The following SORT1 variants were observed in gnomAD, a reference collection of about 807,000 sequenced individuals.
SORT1 encodes sortilin 1, also known as sortilin.
In SORT1, 39 loss-of-function variants were observed where a neutral mutation model predicts 101.7. That is an observed-to-expected ratio of 0.38 (90% CI 0.30 to 0.50). SORT1 has a LOEUF of 0.50. SORT1 is among the 20% of genes least tolerant of loss of function. The pLI, the probability that SORT1 is intolerant of heterozygous loss-of-function variation, is 0.90. For missense variants in SORT1, 878 were observed against 1,040.4 expected, an observed-to-expected ratio of 0.84 and a Z score of 2.15; for synonymous variants, 396 against 393.7, an observed-to-expected ratio of 1.01 and a Z score of -0.07.
At chr1:109,332,272 T>C (rs535857398) in intron 11 of SORT1, among the ~76,000 whole-genome samples, 25 of 152,188 alleles carry the variant, frequency 1.6e-4, no homozygotes, top group Non-Finnish European at 2.6e-4. Flanking sequence ...TCAGGCACTG[T>C]TTTAGGTACT....
intron 3 of SORT1, among the ~76,000 whole-genome samples, chr1:109,361,388 T>C (rs1650712854): frequency 6.6e-6 from 1 of 152,236 alleles, no homozygotes; most frequent in East Asian, 1.9e-4. Flanking sequence ...AAACCCATCA[T>C]AATGGCCTTT....
chr1:109,383,677 T>G (rs1652396610), intron 1 of SORT1, among the ~76,000 whole-genome samples: 1 of 152,148 alleles, frequency 6.6e-6, no homozygotes, highest in Admixed American at 6.6e-5. Flanking sequence ...ACAACCTGAG[T>G]GATGCTTTTG....
chr1:109,372,982 G>A (rs896149565), intron 1 of SORT1, among the ~76,000 whole-genome samples: 2 of 151,810 alleles, frequency 1.3e-5, no homozygotes, highest in African/African-American at 4.8e-5. Context: ...TTGAACCCGA[G>A]AGGCGGAGGC....
chr1:109,378,699 GATATATATATATATATATAT>G (rs58847953), intron 1 of SORT1, among the ~76,000 whole-genome samples: 1,144 of 35,510 alleles, frequency 0.032, 24 homozygotes, highest in Non-Finnish European at 0.045. Flanking sequence ...TAGAGTGAAT[GATATATATATATATATATAT>G]ATATATATAT....
At chr1:109,331,702 T>C (rs574905073) in intron 11 of SORT1, among the ~76,000 whole-genome samples, 15 of 151,856 alleles carry the variant, frequency 9.9e-5, no homozygotes, top group Admixed American at 8.5e-4. Context: ...GAAAAAGAAA[T>C]AAAAACAAAA....
At position 109,314,712 on chromosome 1, in the gene SORT1, C is replaced by A. The variant is rs774754113; in HGVS notation, c.2317G>T (p.Ala773Ser). Residue 773 changes from alanine to serine, a missense_variant, in exon 18 of 20, where the codon GCA becomes TCA. Ala to Ser is a moderately conservative substitution (Grantham distance 99). This residue lies in a region of SORT1 where 684 missense variants were observed against 894.5 expected (regional missense o/e 0.76). Transcript: ENST00000256637. ...TATTTCTTCACAATGAGCACTCCTG[C>A]TACGACTGTGACCAGCATCAATCCC... ...IVGLMLVTVVAGVLIVKKYVC... is the reference protein window; with the variant it reads ...IVGLMLVTVVSGVLIVKKYVC... 6 of 1,610,914 alleles carry A rather than the reference C, an allele frequency of 3.7e-6. No individual in the cohort carries two copies. In the Admixed American group the frequency reaches 5.0e-5, roughly 13 times the overall value.
intron 7 of SORT1, 101 bp from the exon 8 acceptor site, chr1:109,345,982 T>A: frequency 1.0e-6 from 1 of 973,300 alleles, no homozygotes. Context: ...TAAAGCATTT[T>A]AAATACTATG....
Position 109,323,105 on chromosome 1 carries a change from A to G in SORT1, c.1851T>C (p.Tyr617=). The part of the protein sequence containing the change: ...ILERNCEEKD[Y]TIWLAHSTDP... ...CTGTGGAGTGTGCCAGCCATATGGT[A>G]TAGTCCTTCTCTTCACCTAAAGGAG... The change falls in exon 15 of 20, where the codon TAT becomes TAC. Residue 617 remains tyrosine, a synonymous_variant. Coordinates refer to ENST00000256637, the MANE Select transcript of SORT1 (RefSeq NM_002959.7). The G allele has an allele frequency of 6.2e-7, 1 of 1,613,986 alleles. No homozygotes were observed.
At chr1:109,339,947 G>A (rs1304940475) in intron 10 of SORT1, among the ~76,000 whole-genome samples, 2 of 152,062 alleles carry the variant, frequency 1.3e-5, no homozygotes, top group Non-Finnish European at 2.9e-5. Context: ...TCAGGAGCTC[G>A]AGACCAACCT....
intron 2 of SORT1, 112 bp downstream of exon 2, chr1:109,369,418 A>G: frequency 5.6e-6 from 4 of 720,260 alleles, no homozygotes; most frequent in South Asian, 4.7e-5. Flanking sequence ...GTTTTCTGTG[A>G]TTGAGGCTAA....
At chr1:109,344,252 C>T (rs551539118) in intron 8 of SORT1, among the ~76,000 whole-genome samples, 1 of 152,274 alleles carries the variant, frequency 6.6e-6, no homozygotes, top group South Asian at 2.1e-4. Flanking sequence ...TCTGCGCGTG[C>T]CCCTGTCAGG....
intron 1 of SORT1, among the ~76,000 whole-genome samples, chr1:109,390,457 T>C (rs774724328): frequency 6.6e-6 from 1 of 152,146 alleles, no homozygotes; most frequent in Non-Finnish European, 1.5e-5. Context: ...AAAAAACAAC[T>C]GTAAAGACCA....
intron 3 of SORT1, among the ~76,000 whole-genome samples, chr1:109,365,374 C>A (rs1036230157): frequency 1.3e-5 from 2 of 152,208 alleles, no homozygotes. Flanking sequence ...AGGTGTGTGA[C>A]ACCATGCCCA....
chr1:109,352,337 T>A (rs1341217372), intron 5 of SORT1, among the ~76,000 whole-genome samples: 1 of 152,080 alleles, frequency 6.6e-6, no homozygotes, highest in Non-Finnish European at 1.5e-5. Context: ...AGTAGGCATT[T>A]AAGGGTAGGC....
At chr1:109,358,512 T>C (rs1557808525) in intron 3 of SORT1, among the ~76,000 whole-genome samples, 1 of 152,158 alleles carries the variant, frequency 6.6e-6, no homozygotes, top group East Asian at 1.9e-4. Context: ...TGAACAGCCG[T>C]CGAATGATAA....
intron 10 of SORT1, 99 bp from the exon 11 acceptor site, chr1:109,336,445 C>T (rs1648834523): frequency 7.8e-6 from 6 of 767,712 alleles, no homozygotes; most frequent in Non-Finnish European, 1.4e-5. Context: ...CCGTATAGCA[C>T]CTGGAGTCCG....
At chr1:109,368,132 T>C (rs1387347073) in intron 2 of SORT1, among the ~76,000 whole-genome samples, 1 of 151,260 alleles carries the variant, frequency 6.6e-6, no homozygotes, top group East Asian at 1.9e-4. Flanking sequence ...CATCTCTACT[T>C]AAAATACAAA....
At position 109,355,349 on chromosome 1, in the gene SORT1, T is replaced by G. The variant is rs369882337; in HGVS notation, c.543+18A>C. The G allele has an allele frequency of 3.1e-5, 40 of 1,280,310 alleles. No homozygotes were observed. The highest frequency in any genetic ancestry group is 4.5e-5 in the Non-Finnish European group (39 of 875,004). 79.3% of individuals were successfully genotyped at this position (1,280,310 alleles called of 1,614,324 possible). Reference sequence around the variant, plus strand: ...TGGTATCAAGCACAAGCTTTATGTATACAAGAATGAGTCTCACCTTTCCAG... The same window carrying G: ...TGGTATCAAGCACAAGCTTTATGTAGACAAGAATGAGTCTCACCTTTCCAG... On this transcript the variant is annotated intron_variant, in intron 4 of 19. Coordinates refer to ENST00000256637, the MANE Select transcript of SORT1 (RefSeq NM_002959.7).
At chr1:109,397,277 A>T (rs1357102205) in intron 1 of SORT1, 1 of 153,034 alleles carries the variant, frequency 6.5e-6, no homozygotes, top group Non-Finnish European at 1.5e-5. Flanking sequence ...CCTGGGGCCT[A>T]ACAGCGTTAC....
Sources: gnomAD v4.1 joint callset for allele counts (sites outside exome capture counted in the v4.1 genomes callset) on GRCh38, gnomAD v4.1.1 for gene constraint, gnomAD v4.1.1 regional missense constraint, MANE v1.5 for transcripts, NCBI Gene and HGNC (gene_info 2026-07-23, HGNC 2026-07-21) for gene names.